The following PRDM11 variants were observed in gnomAD, a reference collection of about 807,000 sequenced individuals.
PRDM11 encodes the protein PR/SET domain 11.
In PRDM11, 20 loss-of-function variants were observed where a neutral mutation model predicts 97.8. That is an observed-to-expected ratio of 0.20 (90% CI 0.14 to 0.30). The LOEUF (loss-of-function observed/expected upper bound fraction) is 0.30, where lower values mean the gene tolerates loss of function less well. PRDM11 is among the 10% of genes least tolerant of loss of function. PRDM11 has a pLI of 1.00. For synonymous variants in PRDM11, 599 were observed against 637.7 expected, an observed-to-expected ratio of 0.94 and a Z score of 0.91; for missense variants, 1,139 against 1,555.2, an observed-to-expected ratio of 0.73 and a Z score of 4.50.
chr11:45,184,206 G>C (rs896733898), intron 4 of PRDM11, among the ~76,000 whole-genome samples: 1 of 152,206 alleles, frequency 6.6e-6, no homozygotes, highest in Admixed American at 6.5e-5. Context: ...ACTGGATGAA[G>C]GTCAGTGTGC....
chr11:45,174,117 T>C (rs1852270751), intron 1 of PRDM11, among the ~76,000 whole-genome samples: 1 of 152,206 alleles, frequency 6.6e-6, no homozygotes, highest in South Asian at 2.1e-4. Context: ...TTGGTAACTC[T>C]ATTTAAATGG....
chr11:45,207,740 T>A (rs1159518983), intron 5 of PRDM11, among the ~76,000 whole-genome samples: 1 of 152,158 alleles, frequency 6.6e-6, no homozygotes, highest in Non-Finnish European at 1.5e-5. Context: ...CCTGCCACCA[T>A]CTTGGACTGG....
chr11:45,144,402 C>T (rs1183070637), upstream of PRDM11, among the ~76,000 whole-genome samples: 1 of 152,160 alleles, frequency 6.6e-6, no homozygotes, highest in Non-Finnish European at 1.5e-5. Flanking sequence ...CCAGTCTCAC[C>T]CTACAGATGC....
intron 5 of PRDM11, among the ~76,000 whole-genome samples, chr11:45,207,217 C>T (rs750282151): frequency 1.1e-4 from 16 of 152,208 alleles, no homozygotes; most frequent in South Asian, 4.1e-4. Flanking sequence ...GTCCAGCTTC[C>T]GTGGTGTGGC....
At chr11:45,182,125 G>A (rs1852528489) in intron 2 of PRDM11, 121 bp from the exon 3 acceptor site, 20 of 862,294 alleles carry the variant, frequency 2.3e-5, no homozygotes, top group Non-Finnish European at 3.5e-5. Flanking sequence ...GGCTGGCTGG[G>A]ACTCCTCTGC....
chr11:45,115,088 T>C (rs922495045), intron 1 of PRDM11, among the ~76,000 whole-genome samples: 1 of 152,022 alleles, frequency 6.6e-6, no homozygotes, highest in African/African-American at 2.4e-5. Flanking sequence ...AAGATATAAT[T>C]ATTTGGAGCA....
intron 1 of PRDM11, among the ~76,000 whole-genome samples, chr11:45,104,675 G>C (rs576837057): frequency 2.5e-4 from 38 of 152,286 alleles, no homozygotes; most frequent in Admixed American, 1.8e-3. Flanking sequence ...AAAGGTTTTG[G>C]GGGGAGGTGG....
chr11:45,144,324 A>G (rs575145286), upstream of PRDM11, among the ~76,000 whole-genome samples: 2 of 152,158 alleles, frequency 1.3e-5, no homozygotes, highest in East Asian at 3.9e-4. Flanking sequence ...TTTGCTCCCC[A>G]CAGCCCCTGG....
chr11:45,177,730 G>C (rs1388673667), intron 1 of PRDM11, among the ~76,000 whole-genome samples: 1 of 152,200 alleles, frequency 6.6e-6, no homozygotes, highest in Non-Finnish European at 1.5e-5. Context: ...ATAAATAGGT[G>C]TCAGATAATA....
chr11:45,133,660 G>GT, intron 1 of PRDM11, among the ~76,000 whole-genome samples: 1 of 152,212 alleles, frequency 6.6e-6, no homozygotes, highest in South Asian at 2.1e-4. Context: ...CTCTCCCTTG[G>GT]TAACTCCTTC....
At chr11:45,146,572 C>A (rs934088020), upstream of PRDM11, 7 of 152,008 alleles carry the variant, frequency 4.6e-5, no homozygotes, top group African/African-American at 1.7e-4. Flanking sequence ...GCTGGTGAGT[C>A]CCGGCTCCGG....
At chr11:45,129,185 C>T (rs1446414742) in intron 1 of PRDM11, among the ~76,000 whole-genome samples, 2 of 152,000 alleles carry the variant, frequency 1.3e-5, no homozygotes, top group Non-Finnish European at 2.9e-5. Flanking sequence ...CTACAAAAAC[C>T]CTTAGCTAAC....
Position 45,229,575 on chromosome 11 carries a change from A to G in PRDM11, c.*1416A>G, listed in dbSNP as rs1854358528. 1.3e-5 allele frequency: 2 copies of G among 152,190 alleles called. No homozygotes were observed. Among genetic ancestry groups the G allele is most frequent in the Non-Finnish European group, 2.9e-5 (2 of 68,046 alleles). 9.4% of individuals were successfully genotyped at this position (152,190 alleles called of 1,614,324 possible). On this transcript the variant is annotated 3_prime_UTR_variant, in exon 8 of 8. Transcript: ENST00000683152. Reference sequence around the variant, plus strand: ...TAGCCACTTGCCTATTCCCTGGGGCAAGTAGTGGTTTAAACTAGAGGAGTC... The same window carrying G: ...TAGCCACTTGCCTATTCCCTGGGGCGAGTAGTGGTTTAAACTAGAGGAGTC...
intron 1 of PRDM11, chr11:45,147,374 G>A (rs1367513223): frequency 6.6e-6 from 1 of 152,150 alleles, no homozygotes; most frequent in Non-Finnish European, 1.5e-5. Flanking sequence ...CCCCGCGCCG[G>A]GGGCTGCTGC....
At position 45,111,296 on chromosome 11, in the gene PRDM11, G is replaced by A. The variant is rs113926171; in HGVS notation, c.96+15395G>A. Among the ~76,000 whole-genome samples the A allele has an allele frequency of 6.5e-4, 37 of 56,716 alleles. 3 individuals are homozygous for A. Among genetic ancestry groups the A allele is most frequent in the South Asian group, 4.9e-3 (6 of 1,234 alleles). The allele number at this position is 56,716 out of a possible 152,430, so 37.2% of individuals were successfully genotyped here. A position where few individuals can be genotyped will look rare whatever the true frequency, so the allele number is the denominator to read the frequency against. On this transcript the variant is annotated intron_variant, in intron 1 of 6. Coordinates refer to the PRDM11 transcript ENST00000530656. ...TATTTTTGGTTCTTGATATTTACTC[G>A]TCTTCTTTGCCATCTCTGGACTTAC... is the stretch of plus-strand genomic sequence containing the variant.
chr11:45,094,314 A>G (rs914135029), upstream of PRDM11, among the ~76,000 whole-genome samples: 19 of 152,040 alleles, frequency 1.2e-4, no homozygotes, highest in Admixed American at 1.1e-3. Context: ...TGGACAGGAA[A>G]CAGGAGGCTT....
chr11:45,157,398 C>G (rs572727932), intron 1 of PRDM11, among the ~76,000 whole-genome samples: 1 of 152,280 alleles, frequency 6.6e-6, no homozygotes, highest in East Asian at 1.9e-4. Context: ...TCTAGTGCTG[C>G]CTGTGATCTG....
At position 45,230,127 on chromosome 11, in the gene PRDM11, T is replaced by TTA. The variant is rs1854371809; in HGVS notation, c.*1976_*1977dup. The TTA allele has an allele frequency of 1.3e-5, 2 of 148,906 alleles. No individual in the cohort carries two copies. The highest frequency in any genetic ancestry group is 3.0e-5 in the Non-Finnish European group (2 of 67,330). 9.2% of individuals were successfully genotyped at this position (148,906 alleles called of 1,614,324 possible). On this transcript the variant is annotated 3_prime_UTR_variant, in exon 8 of 8. Transcript: ENST00000683152. ...AATAGCTTTTCATTATATAAATATA[T>TTA]TATATATATTATATATTATTTTTGA...
chr11:45,145,514 C>T (rs952211379), upstream of PRDM11, among the ~76,000 whole-genome samples: 2 of 152,198 alleles, frequency 1.3e-5, no homozygotes, highest in African/African-American at 4.8e-5. Flanking sequence ...GGGTAGTACC[C>T]TCTGGGGGCC....
Sources: gnomAD v4.1 joint callset for allele counts (sites outside exome capture counted in the v4.1 genomes callset) on GRCh38, gnomAD v4.1.1 for gene constraint, MANE v1.5 for transcripts, NCBI Gene and HGNC (gene_info 2026-07-23, HGNC 2026-07-21) for gene names.